KLHL41: variants seen among roughly 807,000 people sequenced by gnomAD.
The protein encoded by KLHL41 is kelch-like protein 41.
KLHL41 carries 31 observed loss-of-function variants against 49.2 expected under a neutral mutation model. That is an observed-to-expected ratio of 0.63 (90% CI 0.47 to 0.85). The LOEUF is 0.85. Among genes scored for constraint, KLHL41 ranks in the 40% least tolerant of loss-of-function variants. The probability of loss-of-function intolerance (pLI) is 0.00; values close to 1 mark genes in which losing one functional copy is unlikely to be tolerated. For synonymous variants in KLHL41, 218 were observed against 258.5 expected, an observed-to-expected ratio of 0.84 and a Z score of 1.50; for missense variants, 663 against 726.7, an observed-to-expected ratio of 0.91 and a Z score of 1.01.
Position 169,525,790 on chromosome 2 carries a change from A to G in KLHL41, c.*94A>G, listed in dbSNP as rs1684296045. On this transcript the variant is annotated 3_prime_UTR_variant, in exon 6 of 6. Transcript: ENST00000284669. ...TTTTTAAAAGCTTGTACAGACACTC[A>G]TGTAGAAATTATTCAAGAAGTTATT... 1.2e-5 allele frequency: 8 copies of G among 646,074 alleles called. No individual in the cohort carries two copies. The highest frequency in any genetic ancestry group is 2.9e-5 in the Admixed American group (1 of 34,608). The allele number at this position is 646,074 out of a possible 1,614,324, so 40.0% of individuals were successfully genotyped here. A position where few individuals can be genotyped will look rare whatever the true frequency, so the allele number is the denominator to read the frequency against.
At chr2:169,511,293 T>A (rs1684026630) in intron 1 of KLHL41, among the ~76,000 whole-genome samples, 1 of 152,122 alleles carries the variant, frequency 6.6e-6, no homozygotes, top group South Asian at 2.1e-4. Context: ...CAAGCAATAC[T>A]CCCAGTTTGG....
chr2:169,510,003 G>T lies in KLHL41; in HGVS notation c.225G>T (p.Val75=). Residue 75 remains valine (V), a synonymous_variant, in exon 1 of 6, where the codon GTG becomes GTT. Transcript: ENST00000284669. This position sits in a 1 kb window ranked among gnomAD's most constrained non-coding sequence, Gnocchi z 4.2. The part of the protein sequence containing the change: ...EIDEAKKKEV[V]LDNVDPAILD... Reference sequence around the variant, plus strand: ...ATGAGGCGAAAAAAAAGGAGGTAGTGCTAGACAATGTGGATCCTGCTATAC... The same window carrying T: ...ATGAGGCGAAAAAAAAGGAGGTAGTTCTAGACAATGTGGATCCTGCTATAC... The T allele has an allele frequency of 6.2e-7, 1 of 1,614,184 alleles. No homozygotes were observed. The highest frequency in any genetic ancestry group is 8.5e-7 in the Non-Finnish European group (1 of 1,180,032).
chr2:169,521,227 A>G lies in KLHL41; in HGVS notation c.1709+220A>G, dbSNP rs6738934. Among the ~76,000 whole-genome samples the G allele has an allele frequency of 0.75, 114,360 of 151,988 alleles. 43,323 individuals carry two copies. The highest frequency in any genetic ancestry group is 0.96 in the East Asian group (4,998 of 5,184). ...AGCCTGAGAAAGAAATCATCTGGGC[A>G]GGCCTGTTTCTTACTGTAAAATGAG... On this transcript the variant is annotated intron_variant, in intron 5 of 5. Transcript: ENST00000284669.
chr2:169,510,520 C>T lies in KLHL41; in HGVS notation c.742C>T (p.Leu248Phe). 6.2e-7 allele frequency: 1 copy of T among 1,613,434 alleles called. No individual in the cohort carries two copies. Among genetic ancestry groups the T allele is most frequent in the Non-Finnish European group, 8.5e-7 (1 of 1,179,890 alleles). Residue 248 changes from leucine (L) to phenylalanine (F), a missense_variant, in exon 1 of 6, where the codon CTC becomes TTC. Physicochemically the swap from Leu to Phe is conservative, Grantham distance 22. Around this residue, in one of 3 missense-constraint regions of KLHL41, gnomAD observed 528 missense variants for 581.0 expected, o/e 0.91. Transcript: ENST00000284669. The surrounding 1 kb of genome is among the most constrained non-coding windows in gnomAD (Gnocchi z 4.2). ...KDDIIKSNPD[L>F]QKKIKVLKDA... is the part of the protein sequence containing the mutation. ...TGATATAATTAAAAGCAACCCAGAC[C>T]TCCAGAAAAAAATCAAAGTTCTAAA...
Position 169,525,733 on chromosome 2 carries a change from T to G in KLHL41, c.*37T>G. 8.3e-7 allele frequency: 1 copy of G among 1,210,792 alleles called. No individual in the cohort carries two copies. Among genetic ancestry groups the G allele is most frequent in the Non-Finnish European group, 1.2e-6 (1 of 817,350 alleles). The allele number at this position is 1,210,792 out of a possible 1,614,324, so 75.0% of individuals were successfully genotyped here. On this transcript the variant is annotated 3_prime_UTR_variant, in exon 6 of 6. Coordinates refer to ENST00000284669, the MANE Select transcript of KLHL41 (RefSeq NM_006063.3). Reference sequence around the variant, plus strand: ...AAACATAATAGATTGGGAGGTGGTTTGTTTGGTGAATGGGGCTTTAATTTA... The same window carrying G: ...AAACATAATAGATTGGGAGGTGGTTGGTTTGGTGAATGGGGCTTTAATTTA...
intron 4 of KLHL41, among the ~76,000 whole-genome samples, chr2:169,520,275 AGTGTGT>A (rs71003095): frequency 0.062 from 3,505 of 56,868 alleles, 278 homozygotes; most frequent in African/African-American, 0.16. Flanking sequence ...CTCCTGCCTC[AGTGTGT>A]GTGTGTGTGT....
rs766504219 is a variant in KLHL41 at position 169,509,986 on chromosome 2, A to G, written c.208A>G (p.Lys70Glu). 68 of 1,612,174 alleles carry G rather than the reference A, an allele frequency of 4.2e-5. No homozygotes were observed. The highest frequency in any genetic ancestry group is 2.2e-4 in the South Asian group (20 of 90,972). The stretch of plus-strand genomic sequence containing the variant: ...CTTTTTATCTGAAATTGATGAGGCG[A>G]AAAAAAAGGAGGTAGTGCTAGACAA... ...EYFLSEIDEAKKKEVVLDNVD... is the reference protein window; with the variant it reads ...EYFLSEIDEAEKKEVVLDNVD... The change falls in exon 1 of 6, where the codon AAA (lysine) becomes GAA (glutamate). Residue 70 changes from lysine (K) to glutamate (E), a missense_variant. Lys to Glu is a moderately conservative substitution (Grantham distance 56). This residue lies in a region of KLHL41 where 129 missense variants were observed against 122.1 expected (regional missense o/e 1.06). Coordinates refer to ENST00000284669, the MANE Select transcript of KLHL41 (RefSeq NM_006063.3).
At position 169,510,516 on chromosome 2, in the gene KLHL41, A is replaced by G; in HGVS notation, c.738A>G (p.Pro246=). 6.2e-7 allele frequency: 1 copy of G among 1,613,666 alleles called. No homozygotes were observed. The highest frequency in any genetic ancestry group is 1.6e-4 in the Middle Eastern group (1 of 6,062). The change falls in exon 1 of 6, where the codon CCA becomes CCG. Residue 246 remains proline, a synonymous_variant. Coordinates refer to ENST00000284669, the MANE Select transcript of KLHL41 (RefSeq NM_006063.3). This position sits in a 1 kb window ranked among gnomAD's most constrained non-coding sequence, Gnocchi z 4.2. ...VEKDDIIKSN[P]DLQKKIKVLK... is the part of the protein sequence containing the mutation. ...AAGATGATATAATTAAAAGCAACCCAGACCTCCAGAAAAAAATCAAAGTTC... is the reference window on the plus strand; with the variant it reads ...AAGATGATATAATTAAAAGCAACCCGGACCTCCAGAAAAAAATCAAAGTTC...
At position 169,509,851 on chromosome 2, in the gene KLHL41, G is replaced by C. The variant is rs376586719; in HGVS notation, c.73G>C (p.Asp25His). ...QSTLLQDGLK[D>H]LLDEKKFIDC... ...CACCCTTCTTCAGGATGGTCTAAAA[G>C]ATCTCCTGGATGAGAAAAAATTCAT... Residue 25 changes from aspartate (D) to histidine (H), a missense_variant, in exon 1 of 6, where the codon GAT becomes CAT. By Grantham distance (81) the Asp-to-His change is moderately conservative (BLOSUM62 -1). Around this residue, in one of 3 missense-constraint regions of KLHL41, gnomAD observed 129 missense variants for 122.1 expected, o/e 1.06. Transcript: ENST00000284669. 1 of 1,614,078 alleles carries C rather than the reference G, an allele frequency of 6.2e-7. No homozygotes were observed. The highest frequency in any genetic ancestry group is 8.5e-7 in the Non-Finnish European group (1 of 1,179,996).
In KLHL41 at chr2:169,510,812, A is replaced by G; in HGVS notation, c.1034A>G (p.Asn345Ser). 1 of 1,614,092 alleles carries G rather than the reference A, an allele frequency of 6.2e-7. No homozygotes were observed. The highest frequency in any genetic ancestry group is 8.5e-7 in the Non-Finnish European group (1 of 1,179,994). ...RNHSSIVTQQ[N>S]QIYVVGGLYV... ...CATTCCAGCATTGTTACCCAGCAAA[A>G]TCAGATATATGTGGTAGGAGGACTA... Residue 345 changes from asparagine (N) to serine (S), a missense_variant, in exon 1 of 6, where the codon AAT becomes AGT. Physicochemically the swap from Asn to Ser is conservative, Grantham distance 46. Coordinates refer to ENST00000284669, the MANE Select transcript of KLHL41 (RefSeq NM_006063.3). The surrounding 1 kb of genome is among the most constrained non-coding windows in gnomAD (Gnocchi z 4.2).
chr2:169,511,490 T>C (rs1406270183), intron 1 of KLHL41, among the ~76,000 whole-genome samples: 1 of 152,250 alleles, frequency 6.6e-6, no homozygotes, highest in African/African-American at 2.4e-5. Context: ...AATTTCTTTT[T>C]CTTCTTCATC....
chr2:169,513,140 T>C (rs60605174), intron 1 of KLHL41, among the ~76,000 whole-genome samples: 7,279 of 152,258 alleles, frequency 0.048, 201 homozygotes, highest in East Asian at 0.13. Context: ...GTATGAGAGT[T>C]AAGCCCACAG....
chr2:169,524,961 G>A (rs533898392), intron 5 of KLHL41, among the ~76,000 whole-genome samples: 1 of 152,320 alleles, frequency 6.6e-6, no homozygotes, highest in East Asian at 1.9e-4. Context: ...GCACCAGGCA[G>A]AGCAGACATG....
At chr2:169,524,990 A>C (rs1378864485) in intron 5 of KLHL41, among the ~76,000 whole-genome samples, 1 of 152,188 alleles carries the variant, frequency 6.6e-6, no homozygotes, top group Non-Finnish European at 1.5e-5. Context: ...ACATCGTACA[A>C]GGGAATTCAA....
chr2:169,525,752 T>A lies in KLHL41; in HGVS notation c.*56T>A. The stretch of plus-strand genomic sequence containing the variant: ...GTGGTTTGTTTGGTGAATGGGGCTT[T>A]AATTTATTCTGTTTTTTAAAAGCTT... On this transcript the variant is annotated 3_prime_UTR_variant, in exon 6 of 6. Coordinates refer to ENST00000284669, the MANE Select transcript of KLHL41 (RefSeq NM_006063.3). 1 of 944,232 alleles carries A rather than the reference T, an allele frequency of 1.1e-6. No individual in the cohort carries two copies. The highest frequency in any genetic ancestry group is 1.7e-6 in the Non-Finnish European group (1 of 588,710). 58.5% of individuals were successfully genotyped at this position (944,232 alleles called of 1,614,324 possible). A position where few individuals can be genotyped will look rare whatever the true frequency, so the allele number is the denominator to read the frequency against.
At chr2:169,524,835 C>T (rs1684277508) in intron 5 of KLHL41, among the ~76,000 whole-genome samples, 2 of 151,726 alleles carry the variant, frequency 1.3e-5, no homozygotes, top group Non-Finnish European at 2.9e-5. Flanking sequence ...TGCTATAATA[C>T]CATATAAAGG....
chr2:169,525,435 G>C (rs1414257552), intron 5 of KLHL41, 150 bp from the exon 6 acceptor site: 3 of 584,296 alleles, frequency 5.1e-6, no homozygotes, highest in Non-Finnish European at 9.2e-6. Context: ...ATATTTGGGA[G>C]ATATTTAAGT....
intron 4 of KLHL41, among the ~76,000 whole-genome samples, chr2:169,520,400 C>A (rs949189317): frequency 3.3e-5 from 5 of 151,720 alleles, no homozygotes; most frequent in Non-Finnish European, 5.9e-5. Flanking sequence ...CTGCCTCAGT[C>A]TCCCAAAGTG....
intron 5 of KLHL41, 121 bp downstream of exon 5, chr2:169,521,128 T>G: frequency 1.2e-6 from 1 of 838,996 alleles, no homozygotes; most frequent in East Asian, 2.5e-5. Context: ...GGTAGTAGAC[T>G]AAACACTTCA....
Sources: allele counts gnomAD v4.1 joint callset (sites outside exome capture counted in the v4.1 genomes callset), GRCh38; gene constraint gnomAD v4.1.1; regional missense constraint gnomAD v4.1.1; non-coding constraint Gnocchi (gnomAD v3.1); transcripts MANE v1.5; gene names NCBI Gene and HGNC (gene_info 2026-07-23, HGNC 2026-07-21).